The following FBN2 variants were observed in gnomAD, a reference collection of about 807,000 sequenced individuals.
The protein encoded by FBN2 is fibrillin-2.
Under a neutral mutation model 355.6 loss-of-function variants are expected in FBN2, and 105 were observed. The observed-to-expected ratio is 0.30, with a 90% confidence interval of 0.25 to 0.35. The LOEUF is 0.35. Among genes scored for constraint, FBN2 ranks in the 10% least tolerant of loss-of-function variants. The pLI, the probability that FBN2 is intolerant of heterozygous loss-of-function variation, is 1.00. For missense variants in FBN2, 3,280 were observed against 3,758.7 expected, an observed-to-expected ratio of 0.87 and a Z score of 3.33; for synonymous variants, 1,350 against 1,301.2, an observed-to-expected ratio of 1.04 and a Z score of -0.81.
chr5:128,291,678 T>C, intron 48 of FBN2, 24 bp from the exon 49 acceptor site: 1 of 1,610,198 alleles, frequency 6.2e-7, no homozygotes, highest in Middle Eastern at 1.7e-4. Flanking sequence ...GGAGTATTTA[T>C]TAGCCATTCA....
intron 31 of FBN2, 43 bp from the exon 32 acceptor site, chr5:128,333,077 T>G (rs943233436): frequency 1.8e-5 from 27 of 1,521,996 alleles, no homozygotes; most frequent in East Asian, 1.4e-4. Context: ...AAATACAAAC[T>G]AATTAATTCT....
intron 23 of FBN2, 51 bp downstream of exon 23, chr5:128,349,292 CAAGG>C: frequency 6.2e-7 from 1 of 1,611,496 alleles, no homozygotes; most frequent in Non-Finnish European, 8.5e-7. Context: ...ACTGCTTAAA[CAAGG>C]AAATTCATGG....
At chr5:128,458,964 GAGTT>G (rs1754482765) in intron 6 of FBN2, among the ~76,000 whole-genome samples, 2 of 148,430 alleles carry the variant, frequency 1.3e-5, no homozygotes, top group Admixed American at 1.4e-4. Flanking sequence ...AGAATTGAAG[GAGTT>G]AGAGACAAGA....
At position 128,287,448 on chromosome 5, in the gene FBN2, C is replaced by G. The variant is rs1749187419; in HGVS notation, c.6758-18G>C. Reference sequence around the variant, plus strand: ...GTTGATATCTGACCAAAGGAATGGACAGGAATGTGCTCAGCCTAGAGTTCT... The same window carrying G: ...GTTGATATCTGACCAAAGGAATGGAGAGGAATGTGCTCAGCCTAGAGTTCT... On this transcript the variant is annotated intron_variant, in intron 53 of 64. Coordinates refer to ENST00000262464, the MANE Select transcript of FBN2 (RefSeq NM_001999.4). The G allele has an allele frequency of 2.5e-6, 4 of 1,613,376 alleles. No homozygotes were observed. Among genetic ancestry groups the G allele is most frequent in the Non-Finnish European group, 3.4e-6 (4 of 1,179,502 alleles).
At chr5:128,273,338 G>A (rs971191743) in intron 61 of FBN2, among the ~76,000 whole-genome samples, 1 of 152,136 alleles carries the variant, frequency 6.6e-6, no homozygotes, top group African/African-American at 2.4e-5. Context: ...AGGAGACCAA[G>A]GTCCACTGTA....
intron 13 of FBN2, 62 bp downstream of exon 13, chr5:128,377,690 G>A: frequency 6.4e-7 from 1 of 1,555,982 alleles, no homozygotes; most frequent in Admixed American, 1.7e-5. Context: ...ATAGTACATG[G>A]TTCTAAATAA....
At chr5:128,448,956 TA>T (rs1754148945) in intron 6 of FBN2, among the ~76,000 whole-genome samples, 1 of 152,014 alleles carries the variant, frequency 6.6e-6, no homozygotes, top group South Asian at 2.1e-4. Context: ...ATTGACATAA[TA>T]AAATTCACGA....
intron 5 of FBN2, among the ~76,000 whole-genome samples, chr5:128,516,033 G>A (rs1426112586): frequency 2.0e-5 from 3 of 152,232 alleles, no homozygotes; most frequent in Non-Finnish European, 4.4e-5. Context: ...CAAAAAAGTT[G>A]AAAGAAGGAC....
chr5:128,295,790 A>AT (rs1749490225), intron 48 of FBN2, among the ~76,000 whole-genome samples: 1 of 136,740 alleles, frequency 7.3e-6, no homozygotes, highest in African/African-American at 2.9e-5. Flanking sequence ...AAACAGGGAC[A>AT]ATTTGACTTC....
At chr5:128,492,057 T>G (rs1419303873) in intron 5 of FBN2, among the ~76,000 whole-genome samples, 1 of 152,172 alleles carries the variant, frequency 6.6e-6, no homozygotes, top group Non-Finnish European at 1.5e-5. Context: ...GAGGGTTAAG[T>G]TTTCCCTCCC....
chr5:128,275,984 T>C, intron 59 of FBN2, 54 bp downstream of exon 59: 4 of 1,596,404 alleles, frequency 2.5e-6, no homozygotes, highest in Non-Finnish European at 2.6e-6. Context: ...AATATTTAAA[T>C]TTGAAAGAAA....
Position 128,301,577 on chromosome 5 carries a change from T to C in FBN2, c.5918-67A>G, listed in dbSNP as rs1749721635. Reference sequence around the variant, plus strand: ...ACATGTATATTGTTTCACAAGACGCTACTTAAAAACATACTTATTGGCATG... The same window carrying C: ...ACATGTATATTGTTTCACAAGACGCCACTTAAAAACATACTTATTGGCATG... On this transcript the variant is annotated intron_variant, in intron 46 of 64. Coordinates refer to ENST00000262464, the MANE Select transcript of FBN2 (RefSeq NM_001999.4). 3.4e-6 allele frequency: 5 copies of C among 1,486,956 alleles called. No homozygotes were observed. The South Asian group carries it at 4.5e-5, about 13-fold the overall frequency. 92.1% of individuals were successfully genotyped at this position (1,486,956 alleles called of 1,614,324 possible).
chr5:128,503,013 C>T (rs1240984209), intron 5 of FBN2, among the ~76,000 whole-genome samples: 1 of 152,160 alleles, frequency 6.6e-6, no homozygotes, highest in Non-Finnish European at 1.5e-5. Flanking sequence ...CATTCCCCAC[C>T]CAAATCTCAC....
chr5:128,318,038 T>C (rs1750258588), intron 36 of FBN2, 111 bp downstream of exon 36: 4 of 1,125,076 alleles, frequency 3.6e-6, no homozygotes, highest in Admixed American at 1.8e-5. Context: ...GACCACATAA[T>C]GTTTTGTTTT....
intron 10 of FBN2, 48 bp downstream of exon 10, chr5:128,393,087 C>T (rs1435041312): frequency 7.3e-7 from 1 of 1,371,526 alleles, no homozygotes; most frequent in African/African-American, 1.4e-5. Context: ...ATTATAATGT[C>T]ACTTGAGGCA....
At chr5:128,260,816 C>T (rs1764945801) in intron 64 of FBN2, among the ~76,000 whole-genome samples, 1 of 152,186 alleles carries the variant, frequency 6.6e-6, no homozygotes, top group Non-Finnish European at 1.5e-5. Flanking sequence ...GTCCAATTCA[C>T]ACAGCCAGCC....
chr5:128,448,673 T>A (rs562338818), intron 6 of FBN2, among the ~76,000 whole-genome samples: 2 of 152,206 alleles, frequency 1.3e-5, no homozygotes, highest in Non-Finnish European at 2.9e-5. Flanking sequence ...AATATTGTAA[T>A]ATTTGTAATA....
At chr5:128,313,002 T>C (rs529950460) in intron 36 of FBN2, among the ~76,000 whole-genome samples, 2 of 152,340 alleles carry the variant, frequency 1.3e-5, no homozygotes, top group Non-Finnish European at 2.9e-5. Flanking sequence ...CTTTCCTATA[T>C]TTAGAAATCC....
At chr5:128,386,409 G>A (rs1296599699) in intron 11 of FBN2, among the ~76,000 whole-genome samples, 1 of 152,134 alleles carries the variant, frequency 6.6e-6, no homozygotes, top group Admixed American at 6.5e-5. Context: ...GTACTGTACT[G>A]TTTTGGTAGC....
Sources: gnomAD v4.1 joint callset for allele counts (sites outside exome capture counted in the v4.1 genomes callset) on GRCh38, gnomAD v4.1.1 for gene constraint, MANE v1.5 for transcripts, NCBI Gene and HGNC (gene_info 2026-07-23, HGNC 2026-07-21) for gene names.